Variants in DYNC1I1 observed in about 807,000 individuals in gnomAD.
DYNC1I1 encodes dynein cytoplasmic 1 intermediate chain 1.
DYNC1I1 carries 43 observed loss-of-function variants against 86.6 expected under a neutral mutation model. The observed-to-expected ratio is 0.50, with a 90% CI of 0.39 to 0.64. The LOEUF is 0.64. Ranked by LOEUF, DYNC1I1 falls within the 30% of genes least tolerant of loss-of-function variation. DYNC1I1 has a pLI of 0.00. For missense variants in DYNC1I1, 604 were observed against 788.8 expected, an observed-to-expected ratio of 0.77 and a Z score of 2.81; for synonymous variants, 262 against 283.7, an observed-to-expected ratio of 0.92 and a Z score of 0.77.
intron 6 of DYNC1I1, among the ~76,000 whole-genome samples, chr7:95,884,793 CAA>C (rs201136452): frequency 1.5e-4 from 19 of 126,504 alleles, no homozygotes; most frequent in Admixed American, 2.3e-4. Context: ...AAAAAAAAGA[CAA>C]AAAAAAAAAA....
chr7:95,782,798 A>G (rs184694580), intron 1 of DYNC1I1, among the ~76,000 whole-genome samples: 134 of 152,164 alleles, frequency 8.8e-4, no homozygotes, highest in Middle Eastern at 3.4e-3. Context: ...CAGTGGGATG[A>G]ATGGGGAGCT....
intron 6 of DYNC1I1, among the ~76,000 whole-genome samples, chr7:95,968,500 C>T (rs1359290397): frequency 6.6e-6 from 1 of 152,100 alleles, no homozygotes; most frequent in Non-Finnish European, 1.5e-5. Context: ...GTTAACATAA[C>T]ACAATAACAA....
chr7:95,788,540 C>T (rs567232843), intron 1 of DYNC1I1, among the ~76,000 whole-genome samples: 94 of 152,276 alleles, frequency 6.2e-4, no homozygotes, highest in Middle Eastern at 3.4e-3. Context: ...TGAGGTGACT[C>T]TCCTACCAGA....
At chr7:96,103,614 ATT>A (rs753097738) in intron 16 of DYNC1I1, among the ~76,000 whole-genome samples, 6 of 143,214 alleles carry the variant, frequency 4.2e-5, no homozygotes, top group Admixed American at 7.0e-5. Context: ...CTCTATATGG[ATT>A]TTTTTTTTTT....
intron 6 of DYNC1I1, among the ~76,000 whole-genome samples, chr7:95,906,915 A>T (rs1435397079): frequency 6.6e-6 from 1 of 152,170 alleles, no homozygotes; most frequent in Non-Finnish European, 1.5e-5. Flanking sequence ...TCTTAGAATA[A>T]ATCTGAATAT....
chr7:95,804,133 C>A, intron 1 of DYNC1I1: 1 of 199,746 alleles, frequency 5.0e-6, no homozygotes, highest in Non-Finnish European at 1.0e-5. Context: ...AACTGTGACA[C>A]TTCAGGAGTT....
At chr7:95,905,512 G>C (rs977079811) in intron 6 of DYNC1I1, among the ~76,000 whole-genome samples, 25 of 152,170 alleles carry the variant, frequency 1.6e-4, no homozygotes, top group Admixed American at 7.2e-4. Flanking sequence ...TTAGCAACTA[G>C]AGATTCTAAG....
intron 7 of DYNC1I1, among the ~76,000 whole-genome samples, chr7:95,981,959 A>T (rs892346228): frequency 3.3e-5 from 5 of 152,092 alleles, no homozygotes; most frequent in Admixed American, 2.6e-4. Context: ...CTATTTGTTT[A>T]TTCCTGTATT....
At chr7:95,805,977 C>G (rs978904476) in intron 2 of DYNC1I1, among the ~76,000 whole-genome samples, 3 of 152,172 alleles carry the variant, frequency 2.0e-5, no homozygotes, top group African/African-American at 4.8e-5. Context: ...TCTGGCATCT[C>G]TCATCTCTCC....
rs1467972586 is a variant in DYNC1I1, at chr7:96,080,352, C to A, written c.1651-11C>A. 6.3e-7 allele frequency: 1 copy of A among 1,587,566 alleles called. No individual in the cohort carries two copies. The highest frequency in any genetic ancestry group is 1.8e-5 in the Admixed American group (1 of 54,722). ...AGAGATTCTTTTATTCTGTTGTGAA[C>A]CCTTTGGCAGGTTCCAACAGCAAGT... On this transcript the variant is annotated splice_polypyrimidine_tract_variant and intron_variant, in intron 15 of 16. Transcript: ENST00000447467.
At chr7:96,102,404 A>C (rs1371261578), downstream of DYNC1I1, among the ~76,000 whole-genome samples, 3 of 152,194 alleles carry the variant, frequency 2.0e-5, no homozygotes, top group Non-Finnish European at 4.4e-5. Flanking sequence ...AATAAAATCA[A>C]GGAAGATTTA....
intron 14 of DYNC1I1, among the ~76,000 whole-genome samples, chr7:96,040,208 T>C (rs1230038583): frequency 6.6e-6 from 1 of 151,970 alleles, no homozygotes; most frequent in Non-Finnish European, 1.5e-5. Context: ...CATTCCAGCC[T>C]GGGTGACAGA....
At chr7:95,942,693 C>T (rs1792266369) in intron 6 of DYNC1I1, among the ~76,000 whole-genome samples, 2 of 149,946 alleles carry the variant, frequency 1.3e-5, no homozygotes, top group Non-Finnish European at 3.0e-5. Flanking sequence ...TGGGCTTCAT[C>T]CCTGGGATGC....
intron 9 of DYNC1I1, among the ~76,000 whole-genome samples, chr7:95,994,256 C>G (rs926731461): frequency 1.3e-5 from 2 of 151,998 alleles, no homozygotes; most frequent in Non-Finnish European, 2.9e-5. Context: ...GGAATTGACC[C>G]TGGATTCAGA....
At chr7:96,062,031 T>C (rs754081189) in intron 14 of DYNC1I1, among the ~76,000 whole-genome samples, 7 of 152,194 alleles carry the variant, frequency 4.6e-5, no homozygotes, top group Admixed American at 1.3e-4. Context: ...GACCTCACTT[T>C]TTGTCACAAG....
chr7:96,100,517 TCAAAAGAATTG>T (rs544174595), downstream of DYNC1I1, among the ~76,000 whole-genome samples: 48 of 152,114 alleles, frequency 3.2e-4, no homozygotes, highest in African/African-American at 1.1e-3. Flanking sequence ...AGAAACTACC[TCAAAAGAATTG>T]CAAAAATTAG....
intron 12 of DYNC1I1, among the ~76,000 whole-genome samples, chr7:96,033,881 A>C (rs1398691314): frequency 6.6e-6 from 1 of 152,092 alleles, no homozygotes. Flanking sequence ...GTGCTAGCAC[A>C]TGTCTGTAGT....
intron 14 of DYNC1I1, among the ~76,000 whole-genome samples, chr7:96,061,385 A>C (rs1385122637): frequency 1.3e-5 from 2 of 152,102 alleles, no homozygotes; most frequent in Non-Finnish European, 2.9e-5. Flanking sequence ...GGAAGAGGTA[A>C]AAATTACTTG....
chr7:95,947,036 T>G (rs2116467134), intron 6 of DYNC1I1, among the ~76,000 whole-genome samples: 1 of 152,274 alleles, frequency 6.6e-6, no homozygotes, highest in South Asian at 2.1e-4. Context: ...ACAGAAGTGA[T>G]GCAAAAGCCC....
Sources: allele counts gnomAD v4.1 joint callset (sites outside exome capture counted in the v4.1 genomes callset), GRCh38; gene constraint gnomAD v4.1.1; transcripts MANE v1.5; gene names NCBI Gene and HGNC (gene_info 2026-07-23, HGNC 2026-07-21).